Variants in ADGRL3 observed in about 807,000 individuals in gnomAD.
ADGRL3 encodes the protein calcium-independent alpha-latrotoxin receptor 3.
ADGRL3 carries 62 observed loss-of-function variants against 153.5 expected under a neutral mutation model. The ratio of observed to expected loss-of-function variants is 0.40; its 90% confidence interval spans 0.33 to 0.50. The LOEUF (loss-of-function observed/expected upper bound fraction) is 0.50, where lower values mean the gene tolerates loss of function less well. ADGRL3 is among the 20% of genes least tolerant of loss of function. The pLI is 0.47. For missense variants in ADGRL3, 1,641 were observed against 1,859.4 expected (o/e 0.88, Z 2.16); for synonymous variants, 710 against 672.5 (o/e 1.06, Z -0.86).
chr4:61,297,264 GT>G (rs2094440392), intron 1 of ADGRL3, among the ~76,000 whole-genome samples: 1 of 152,030 alleles, frequency 6.6e-6, no homozygotes, highest in African/African-American at 2.4e-5. Flanking sequence ...TCCCAGAAAT[GT>G]TTTTTGAAAA....
At chr4:62,062,551 C>T (rs182325858) in intron 25 of ADGRL3, among the ~76,000 whole-genome samples, 1 of 151,994 alleles carries the variant, frequency 6.6e-6, no homozygotes, top group Non-Finnish European at 1.5e-5. Context: ...AACACAAATA[C>T]ACAATTCTGT....
chr4:61,749,651 T>C (rs886339901), intron 8 of ADGRL3, among the ~76,000 whole-genome samples: 3 of 152,048 alleles, frequency 2.0e-5, no homozygotes, highest in Admixed American at 6.6e-5. Flanking sequence ...TAGGTGGGAA[T>C]TGAACAATGA....
At chr4:61,891,381 G>A (rs1018235171) in intron 9 of ADGRL3, among the ~76,000 whole-genome samples, 3 of 152,236 alleles carry the variant, frequency 2.0e-5, no homozygotes, top group African/African-American at 7.2e-5. Context: ...AAGGGACCAT[G>A]AGAGAAAGAG....
chr4:61,890,021 CAATT>C (rs1468856477), intron 9 of ADGRL3, among the ~76,000 whole-genome samples: 1 of 152,168 alleles, frequency 6.6e-6, no homozygotes, highest in East Asian at 1.9e-4. Flanking sequence ...TTCTATTTTA[CAATT>C]AATTCTTACT....
chr4:61,554,897 A>G (rs1315491447), intron 4 of ADGRL3, among the ~76,000 whole-genome samples: 3 of 152,200 alleles, frequency 2.0e-5, no homozygotes, highest in Non-Finnish European at 2.9e-5. Flanking sequence ...CCTTTTTAAC[A>G]AAGAGTAATA....
intron 1 of ADGRL3, among the ~76,000 whole-genome samples, chr4:61,288,541 A>G (rs753599850): frequency 1.3e-5 from 2 of 152,024 alleles, no homozygotes; most frequent in African/African-American, 4.8e-5. Flanking sequence ...AATGGTTTTC[A>G]GAAGTCTTCA....
intron 11 of ADGRL3, among the ~76,000 whole-genome samples, chr4:61,907,616 A>G (rs6818882): frequency 0.58 from 87,482 of 149,958 alleles, 26,886 homozygotes; most frequent in Non-Finnish European, 0.7. Context: ...ATATGTATAT[A>G]CATACACATA....
chr4:61,844,576 A>AAAAAAATATATG (rs2098089494), intron 9 of ADGRL3, among the ~76,000 whole-genome samples: 2 of 9,464 alleles, frequency 2.1e-4, no homozygotes, highest in Non-Finnish European at 4.1e-4. Context: ...AAAAAAAAAA[A>AAAAAAATATATG]TATATATATA....
At chr4:61,460,159 T>C (rs1174250941) in intron 2 of ADGRL3, among the ~76,000 whole-genome samples, 2 of 152,256 alleles carry the variant, frequency 1.3e-5, no homozygotes, top group African/African-American at 4.8e-5. Flanking sequence ...CCTAGACCAA[T>C]GTCCTGAAGC....
chr4:61,754,573 T>A (rs1446462437), intron 8 of ADGRL3, among the ~76,000 whole-genome samples: 1 of 151,864 alleles, frequency 6.6e-6, no homozygotes, highest in African/African-American at 2.4e-5. Flanking sequence ...ACCCAATGGG[T>A]TCACCTTGCC....
chr4:61,579,363 A>T (rs2098913224), intron 4 of ADGRL3, among the ~76,000 whole-genome samples: 1 of 152,060 alleles, frequency 6.6e-6, no homozygotes, highest in Admixed American at 6.6e-5. Context: ...GGATTTTTTG[A>T]CATTTAGAAG....
At chr4:62,054,517 G>T (rs1735957202) in intron 25 of ADGRL3, among the ~76,000 whole-genome samples, 1 of 151,572 alleles carries the variant, frequency 6.6e-6, no homozygotes, top group Non-Finnish European at 1.5e-5. Context: ...TGATAGTGTT[G>T]TGTTGCATAA....
chr4:61,517,022 T>A (rs335310), intron 3 of ADGRL3, among the ~76,000 whole-genome samples: 1 of 151,274 alleles, frequency 6.6e-6, no homozygotes, highest in Non-Finnish European at 1.5e-5. Context: ...GGTAGCTTAC[T>A]GTGCTTTCAA....
At chr4:61,721,109 A>C (rs185551950) in intron 6 of ADGRL3, among the ~76,000 whole-genome samples, 1 of 152,312 alleles carries the variant, frequency 6.6e-6, no homozygotes. Flanking sequence ...AATTCCACAG[A>C]TTACAAATCT....
chr4:61,439,495 G>A (rs1238314490), intron 2 of ADGRL3, among the ~76,000 whole-genome samples: 1 of 152,164 alleles, frequency 6.6e-6, no homozygotes, highest in African/African-American at 2.4e-5. Context: ...ATGGGTGCAT[G>A]TGCAGAACGT....
chr4:61,221,015 A>AT (rs1745229592), intron 1 of ADGRL3, among the ~76,000 whole-genome samples: 1 of 152,176 alleles, frequency 6.6e-6, no homozygotes, highest in Non-Finnish European at 1.5e-5. Context: ...TGAATCAATT[A>AT]TTTTTAGAAC....
At chr4:61,550,210 T>TTTTTTTTTTTTTTTTTTGAGACGGA (rs2098733869) in intron 4 of ADGRL3, among the ~76,000 whole-genome samples, 1 of 151,888 alleles carries the variant, frequency 6.6e-6, no homozygotes, top group African/African-American at 2.4e-5. Flanking sequence ...AAAATATTTT[T>TTTTTTTTTTTTTTTTTTGAGACGGA]GATTGGAATA....
At chr4:61,710,965 A>G (rs2151464375) in intron 6 of ADGRL3, among the ~76,000 whole-genome samples, 1 of 152,296 alleles carries the variant, frequency 6.6e-6, no homozygotes. Flanking sequence ...CAGACATTAT[A>G]GTTCTCAGCT....
chr4:61,803,932 C>T (rs922993686), intron 8 of ADGRL3, among the ~76,000 whole-genome samples: 1 of 151,962 alleles, frequency 6.6e-6, no homozygotes, highest in Non-Finnish European at 1.5e-5. Flanking sequence ...TTAACTTTTC[C>T]AAATTCCTTT....
Sources: allele counts gnomAD v4.1 joint callset (sites outside exome capture counted in the v4.1 genomes callset), GRCh38; gene constraint gnomAD v4.1.1; transcripts MANE v1.5; gene names NCBI Gene and HGNC (gene_info 2026-07-23, HGNC 2026-07-21).